The following FGD3 variants were observed in gnomAD, a reference collection of about 807,000 sequenced individuals.
The protein encoded by FGD3 is FYVE, RhoGEF and PH domain-containing protein 3.
In FGD3, 45 loss-of-function variants were observed where a neutral mutation model predicts 71.8. That is an observed-to-expected ratio of 0.63 (90% CI 0.49 to 0.80). The LOEUF (loss-of-function observed/expected upper bound fraction) is 0.80, where lower values mean the gene tolerates loss of function less well. Among genes scored for constraint, FGD3 ranks in the 30% least tolerant of loss-of-function variants. FGD3 has a pLI of 0.00. For synonymous variants in FGD3, 378 were observed against 392.8 expected, an observed-to-expected ratio of 0.96 and a Z score of 0.44; for missense variants, 844 against 951.5, an observed-to-expected ratio of 0.89 and a Z score of 1.49.
rs935683284 is a variant in FGD3, at chr9:92,969,666, T to TG, written c.-217-5564dup. Among the ~76,000 whole-genome samples the TG allele has an allele frequency of 4.6e-4, 70 of 151,550 alleles. No homozygotes were observed. The highest frequency in any genetic ancestry group is 6.3e-4 in the South Asian group (3 of 4,796). Reference sequence around the variant, plus strand: ...GGTGCCGTGGTGGGTTTCTTTCAGATGGGGGGGGACTCCCGCACGGCCTCC... The same window carrying TG: ...GGTGCCGTGGTGGGTTTCTTTCAGATGGGGGGGGGACTCCCGCACGGCCTCC... On this transcript the variant is annotated intron_variant, in intron 1 of 17. Coordinates refer to ENST00000375482, the MANE Select transcript of FGD3 (RefSeq NM_001083536.2). The surrounding 1 kb of genome is among the most constrained non-coding windows in gnomAD (Gnocchi z 4.5).
intron 14 of FGD3, among the ~76,000 whole-genome samples, chr9:93,028,196 C>CAACA (rs1862195799): frequency 1.1e-5 from 1 of 90,808 alleles, no homozygotes; most frequent in African/African-American, 5.3e-5. Flanking sequence ...CCCCTAGCCC[C>CAACA]GACACACACA....
intron 1 of FGD3, among the ~76,000 whole-genome samples, chr9:92,956,409 G>A (rs1296932681): frequency 6.6e-6 from 1 of 152,196 alleles, no homozygotes; most frequent in East Asian, 1.9e-4. Flanking sequence ...GAATGTAACT[G>A]TGTTGGAGAC....
At chr9:93,028,218 G>A (rs5015015) in intron 14 of FGD3, among the ~76,000 whole-genome samples, 21,093 of 140,768 alleles carry the variant, frequency 0.15, 1,518 homozygotes, top group South Asian at 0.17. Context: ...ACACACACAC[G>A]CACACACACA....
chr9:92,962,779 A>C (rs1859194267), intron 1 of FGD3, among the ~76,000 whole-genome samples: 1 of 152,052 alleles, frequency 6.6e-6, no homozygotes, highest in African/African-American at 2.4e-5. Flanking sequence ...GTCTCTATTA[A>C]AAATACAAAA....
intron 12 of FGD3, 23 bp downstream of exon 12, chr9:93,019,884 G>A (rs759574327): frequency 1.9e-6 from 3 of 1,613,574 alleles, no homozygotes; most frequent in Non-Finnish European, 2.5e-6. Context: ...AAGTTGTAAA[G>A]TAACCAAATG....
At chr9:92,977,504 G>A (rs896064975) in intron 3 of FGD3, among the ~76,000 whole-genome samples, 7 of 152,098 alleles carry the variant, frequency 4.6e-5, no homozygotes, top group East Asian at 1.9e-4. Context: ...GGGGACCATC[G>A]GGAGACGGGC....
Position 92,976,238 on chromosome 9 carries a change from A to T in FGD3, c.-19A>T. 1.3e-6 allele frequency: 2 copies of T among 1,542,824 alleles called. No homozygotes were observed. The highest frequency in any genetic ancestry group is 1.8e-4 in the Middle Eastern group (1 of 5,414). On this transcript the variant is annotated 5_prime_UTR_variant, in exon 3 of 18. Transcript: ENST00000375482. ...CCCTGGCCAGCCTCCACCTGAGCCC[A>T]GTGAGCTCAGCTTTAAGGATGGAGT...
intron 15 of FGD3, chr9:93,032,550 C>G (rs1395229821): frequency 8.9e-6 from 5 of 563,894 alleles, no homozygotes; most frequent in East Asian, 3.0e-5. Context: ...CCCTCCAGGA[C>G]AGAAGGGTGG....
chr9:92,966,977 G>C lies in FGD3; in HGVS notation c.-217-8261G>C, dbSNP rs946902741. ...TCTTTTTTCTTTTTTTTTTTTTTGG[G>C]GGGGGATGGAGTCTCACTCTGTCTC... On this transcript the variant is annotated intron_variant, in intron 1 of 17. Coordinates refer to ENST00000375482, the MANE Select transcript of FGD3 (RefSeq NM_001083536.2). Among the ~76,000 whole-genome samples, 68 of 148,926 alleles carry C rather than the reference G, an allele frequency of 4.6e-4. 1 individual carries two copies. The highest frequency in any genetic ancestry group is 4.2e-3 in the Admixed American group (63 of 15,000).
rs372418598 is a variant in FGD3 at position 93,011,178 on chromosome 9, C to T, written c.977-36C>T. The T allele has an allele frequency of 2.7e-5, 44 of 1,611,454 alleles. No individual in the cohort carries two copies. In the African/African-American group the frequency reaches 4.1e-4, roughly 15 times the overall value. ...CTCAGGCAAGCAAAAACGGAGCCAC[C>T]GTGGCCCCAGGCTGAACACAGTCTT... On this transcript the variant is annotated intron_variant, in intron 7 of 17. Transcript: ENST00000375482.
rs199876271 is a variant in FGD3, at chr9:92,976,580, C to T, written c.324C>T (p.His108=). ...AGPSPTVLGA[H]AEMALDSQVP... is the part of the protein sequence containing the mutation. ...CAAGCCCCACTGTACTGGGGGCGCA[C>T]GCAGAGATGGCCCTGGACAGCCAGG... The change falls in exon 3 of 18, where the codon CAC becomes CAT. Residue 108 remains histidine (H), a synonymous_variant. Coordinates refer to ENST00000375482, the MANE Select transcript of FGD3 (RefSeq NM_001083536.2). 3.2e-4 allele frequency: 520 copies of T among 1,612,676 alleles called. 2 individuals are homozygous for T. The highest frequency in any genetic ancestry group is 4.0e-4 in the Non-Finnish European group (474 of 1,179,888).
At chr9:93,025,653 C>T (rs978734778) in intron 14 of FGD3, among the ~76,000 whole-genome samples, 4 of 152,346 alleles carry the variant, frequency 2.6e-5, no homozygotes, top group African/African-American at 7.2e-5. Context: ...GGAGAAGCTA[C>T]ACCCAAGCCA....
intron 1 of FGD3, among the ~76,000 whole-genome samples, chr9:92,964,827 G>A (rs546788854): frequency 6.6e-5 from 10 of 152,266 alleles, no homozygotes; most frequent in African/African-American, 4.8e-5. Flanking sequence ...CCTGGGGGGC[G>A]GGGGGTAGCG....
At chr9:93,030,105 A>G in intron 15 of FGD3, 109 bp downstream of exon 15, 3 of 1,298,988 alleles carry the variant, frequency 2.3e-6, no homozygotes, top group Non-Finnish European at 1.0e-6. Context: ...CCAGCCCTGC[A>G]CGGAAGGGCT....
intron 14 of FGD3, among the ~76,000 whole-genome samples, chr9:93,022,946 G>A (rs2118800187): frequency 6.6e-6 from 1 of 152,232 alleles, no homozygotes; most frequent in East Asian, 1.9e-4. Flanking sequence ...CTGTGTCCAC[G>A]CGCCCGCCTG....
At chr9:92,949,042 G>C (rs1182832712) in intron 1 of FGD3, among the ~76,000 whole-genome samples, 1 of 152,198 alleles carries the variant, frequency 6.6e-6, no homozygotes, top group East Asian at 1.9e-4. Context: ...CTCATCCCTT[G>C]GGCCTTTAGT....
chr9:92,979,118 GCT>G lies in FGD3; in HGVS notation c.453+2412_453+2413del, dbSNP rs375025193. On this transcript the variant is annotated intron_variant, in intron 3 of 17. Transcript: ENST00000375482. ...TTTTCTTCCTTTTTCTCTCCTAATT[GCT>G]CTGGCTAGGACTTCCCATACTATAT... Among the ~76,000 whole-genome samples, 737 of 151,690 alleles carry G rather than the reference GCT, an allele frequency of 4.9e-3. 6 individuals carry two copies. The highest frequency in any genetic ancestry group is 0.017 in the African/African-American group (692 of 41,340).
rs567466996 is a variant in FGD3, at chr9:93,009,416, T to G, written c.838-830T>G. ...CTCATCTGAGCTGGAAGCCGTTCTG[T>G]TCTGGGCCCTGAGCCAGGTGAGGGT... On this transcript the variant is annotated intron_variant, in intron 6 of 17. Transcript: ENST00000375482. Among the ~76,000 whole-genome samples the G allele has an allele frequency of 2.9e-3, 444 of 152,332 alleles. 7 individuals carry two copies. The highest frequency in any genetic ancestry group is 0.01 in the African/African-American group (419 of 41,580).
chr9:93,016,935 G>A (rs892026472), intron 10 of FGD3, among the ~76,000 whole-genome samples: 2 of 152,076 alleles, frequency 1.3e-5, no homozygotes, highest in East Asian at 1.9e-4. Context: ...CCGATTTTTT[G>A]TAGAGAAACA....
Sources: gnomAD v4.1 joint callset for allele counts (sites outside exome capture counted in the v4.1 genomes callset) on GRCh38, gnomAD v4.1.1 for gene constraint, Gnocchi (gnomAD v3.1) non-coding constraint, MANE v1.5 for transcripts, NCBI Gene and HGNC (gene_info 2026-07-23, HGNC 2026-07-21) for gene names.